SLC25A12: variants seen among roughly 807,000 people sequenced by gnomAD.
SLC25A12 encodes the protein electrogenic aspartate/glutamate antiporter SLC25A12, mitochondrial.
In SLC25A12, 32 loss-of-function variants were observed where a neutral mutation model predicts 83.3. The ratio of observed to expected loss-of-function variants is 0.38; its 90% CI spans 0.29 to 0.52. SLC25A12 has a LOEUF of 0.52. Among genes scored for constraint, SLC25A12 ranks in the 20% least tolerant of loss-of-function variants. The pLI is 0.84. For synonymous variants in SLC25A12, 267 were observed against 291.1 expected, an observed-to-expected ratio of 0.92 and a Z score of 0.84; for missense variants, 611 against 835.6, an observed-to-expected ratio of 0.73 and a Z score of 3.31.
chr2:171,838,041 TTC>T (rs2105889712), intron 5 of SLC25A12, among the ~76,000 whole-genome samples: 1 of 152,298 alleles, frequency 6.6e-6, no homozygotes, highest in African/African-American at 2.4e-5. Flanking sequence ...ATCAGAGCAT[TTC>T]TGTTGTGGGG....
intron 2 of SLC25A12, among the ~76,000 whole-genome samples, chr2:171,891,913 T>C (rs980120855): frequency 8.5e-5 from 13 of 152,212 alleles, no homozygotes; most frequent in African/African-American, 3.1e-4. Context: ...AAACTACACA[T>C]ATGTATGCTC....
chr2:171,858,364 A>T (rs1685086988), intron 3 of SLC25A12, among the ~76,000 whole-genome samples: 1 of 152,238 alleles, frequency 6.6e-6, no homozygotes, highest in Admixed American at 6.5e-5. Flanking sequence ...TTAAAAATAA[A>T]AATAGGCTGA....
At position 171,876,014 on chromosome 2, in the gene SLC25A12, A is replaced by G. The variant is rs547563356; in HGVS notation, c.67-7191T>C. On this transcript the variant is annotated intron_variant, in intron 2 of 17. Coordinates refer to ENST00000422440, the MANE Select transcript of SLC25A12 (RefSeq NM_003705.5). ...TATATGGAATCGCCAAGATGTCAAC[A>G]TTCTTGACTTTAAAACTATCAGGAA... Among the ~76,000 whole-genome samples the G allele has an allele frequency of 1.3e-4, 20 of 152,240 alleles. No individual in the cohort carries two copies. In the South Asian group the frequency reaches 2.7e-3, roughly 20 times the overall value.
intron 3 of SLC25A12, among the ~76,000 whole-genome samples, chr2:171,868,189 AATAAT>A (rs1454345205): frequency 2.0e-5 from 3 of 151,808 alleles, no homozygotes; most frequent in Non-Finnish European, 2.9e-5. Context: ...AAAATATAAT[AATAAT>A]ATATTTATTT....
chr2:171,793,857 T>C lies in SLC25A12; in HGVS notation c.1306-90A>G, dbSNP rs1683540177. ...GAAAATCCAGCAAAGCCTCCACATC[T>C]TGCTATCTTGAAAAGAAGGAGGTGA... On this transcript the variant is annotated intron_variant, in intron 13 of 17. Transcript: ENST00000422440. 7.6e-6 allele frequency: 11 copies of C among 1,448,966 alleles called. No individual in the cohort carries two copies. In the Admixed American group the frequency reaches 1.4e-4, roughly 18 times the overall value. 89.8% of individuals were successfully genotyped at this position (1,448,966 alleles called of 1,614,324 possible).
chr2:171,833,404 G>T (rs956333541), intron 8 of SLC25A12, among the ~76,000 whole-genome samples: 4 of 152,154 alleles, frequency 2.6e-5, no homozygotes, highest in African/African-American at 9.6e-5. Flanking sequence ...ACAAGCAGAT[G>T]TAACAGAGGA....
rs1475668275 is a variant in SLC25A12 at position 171,894,235 on chromosome 2, A to ACGAG, written c.-25_-22dup. ...GCCATGCTGTGCTCGGAAGCCGGGG[A>ACGAG]CGAGCGAGTGAGCGAGCAGGGCCGA... is the stretch of plus-strand genomic sequence containing the variant. On this transcript the variant is annotated 5_prime_UTR_variant, in exon 1 of 18. Coordinates refer to ENST00000422440, the MANE Select transcript of SLC25A12 (RefSeq NM_003705.5). 3 of 1,607,896 alleles carry ACGAG rather than the reference A, an allele frequency of 1.9e-6. No homozygotes were observed. The highest frequency in any genetic ancestry group is 2.5e-6 in the Non-Finnish European group (3 of 1,177,294).
chr2:171,834,931 T>C, intron 6 of SLC25A12, 66 bp from the exon 7 acceptor site: 1 of 1,531,630 alleles, frequency 6.5e-7, no homozygotes, highest in East Asian at 2.4e-5. Flanking sequence ...ATGGACACTG[T>C]ACTTTTCTCA....
intron 9 of SLC25A12, among the ~76,000 whole-genome samples, chr2:171,816,441 A>G (rs1272159990): frequency 6.6e-6 from 1 of 152,094 alleles, no homozygotes; most frequent in Non-Finnish European, 1.5e-5. Flanking sequence ...ATAGTGTAGT[A>G]TTTTCACATA....
chr2:171,855,495 G>T (rs1685027105), intron 4 of SLC25A12, among the ~76,000 whole-genome samples: 1 of 152,074 alleles, frequency 6.6e-6, no homozygotes. Flanking sequence ...ATCACTTAAA[G>T]AATGAGAAAA....
chr2:171,814,297 T>C (rs1032322079), intron 10 of SLC25A12, among the ~76,000 whole-genome samples: 19 of 152,076 alleles, frequency 1.2e-4, no homozygotes, highest in African/African-American at 4.1e-4. Context: ...GCAAAAACAG[T>C]CTCTCAAATT....
At chr2:171,799,178 T>C (rs1000989541) in intron 13 of SLC25A12, among the ~76,000 whole-genome samples, 3 of 152,194 alleles carry the variant, frequency 2.0e-5, no homozygotes, top group African/African-American at 7.2e-5. Flanking sequence ...GCCTCCAGAA[T>C]TGTGAGCAAT....
At chr2:171,852,087 A>C (rs1684947695) in intron 4 of SLC25A12, among the ~76,000 whole-genome samples, 1 of 152,226 alleles carries the variant, frequency 6.6e-6, no homozygotes, top group Non-Finnish European at 1.5e-5. Flanking sequence ...ATGCATTAGA[A>C]GTTTTATTAA....
In SLC25A12 at chr2:171,813,486, T is replaced by C. The variant is rs770824361; in HGVS notation, c.1024A>G (p.Thr342Ala). The change falls in exon 11 of 18, where the codon ACT becomes GCT. Residue 342 changes from threonine to alanine, a missense_variant. Physicochemically the swap from Thr to Ala is moderately conservative, Grantham distance 58. Transcript: ENST00000422440. The stretch of plus-strand genomic sequence containing the variant: ...ACCAGATCTATAGGATACACTGCAG[T>C]GGCTCCCACAGCTACAAACAGAACA... The part of the protein sequence containing the change: ...LGSVAGAVGA[T>A]AVYPIDLVKT... 6.2e-7 allele frequency: 1 copy of C among 1,613,922 alleles called. No individual in the cohort carries two copies. Among genetic ancestry groups the C allele is most frequent in the Admixed American group, 1.7e-5 (1 of 59,988 alleles).
chr2:171,871,917 T>TGA, intron 2 of SLC25A12: 1 of 17,154 alleles, frequency 5.8e-5, no homozygotes, highest in South Asian at 1.7e-3. Flanking sequence ...AGACCCTGTC[T>TGA]CAAAAAAAAA....
chr2:171,806,807 T>C (rs1461074752), intron 13 of SLC25A12, among the ~76,000 whole-genome samples: 1 of 152,194 alleles, frequency 6.6e-6, no homozygotes, highest in African/African-American at 2.4e-5. Flanking sequence ...TTCTCACTAG[T>C]GGCACTGACA....
At chr2:171,798,859 G>A (rs576659277) in intron 13 of SLC25A12, among the ~76,000 whole-genome samples, 1 of 152,296 alleles carries the variant, frequency 6.6e-6, no homozygotes, top group South Asian at 2.1e-4. Flanking sequence ...CCGAATATTG[G>A]TGTTTCCCCA....
At chr2:171,836,731 T>C (rs1280196468) in intron 6 of SLC25A12, among the ~76,000 whole-genome samples, 2 of 152,182 alleles carry the variant, frequency 1.3e-5, no homozygotes, top group Non-Finnish European at 2.9e-5. Flanking sequence ...ATGAAGGCAG[T>C]AGTGTCTGGG....
At chr2:171,882,007 A>G (rs1685704910) in intron 2 of SLC25A12, among the ~76,000 whole-genome samples, 1 of 152,138 alleles carries the variant, frequency 6.6e-6, no homozygotes, top group South Asian at 2.1e-4. Flanking sequence ...CACTTAAGGT[A>G]TTTTTGCAGA....
Sources: gnomAD v4.1 joint callset for allele counts (sites outside exome capture counted in the v4.1 genomes callset) on GRCh38, gnomAD v4.1.1 for gene constraint, MANE v1.5 for transcripts, NCBI Gene and HGNC (gene_info 2026-07-23, HGNC 2026-07-21) for gene names.